Variants in CD300C observed in about 807,000 individuals in gnomAD.
CD300C encodes the protein CMRF35-like molecule 6.
In CD300C, 11 loss-of-function variants were observed where a neutral mutation model predicts 18.4. The ratio of observed to expected loss-of-function variants is 0.60; its 90% CI spans 0.38 to 0.99. The LOEUF is 0.99. Ranked by LOEUF, CD300C falls within the 50% of genes least tolerant of loss-of-function variation. The pLI is 0.01. For missense variants in CD300C, 277 were observed against 287.4 expected (o/e 0.96, Z 0.26); for synonymous variants, 116 against 116.3 (o/e 1.00, Z 0.02).
chr17:74,539,545 C>A (rs1908479542), downstream of CD300C, among the ~76,000 whole-genome samples: 1 of 152,174 alleles, frequency 6.6e-6, no homozygotes, highest in Non-Finnish European at 1.5e-5. Context: ...CACTGCTGAA[C>A]TCCCAATGGC....
In CD300C at chr17:74,546,068, C is replaced by A; in HGVS notation, c.-286G>T. 2.5e-6 allele frequency: 1 copy of A among 403,730 alleles called. No individual in the cohort carries two copies. 25.0% of individuals were successfully genotyped at this position (403,730 alleles called of 1,614,324 possible). A position where few individuals can be genotyped will look rare whatever the true frequency, so the allele number is the denominator to read the frequency against. ...GGTCCCTTGGGTGGCGATGCAGCCA[C>A]TTCCCCACAGCCCACAGCTTCTGGC... On this transcript the variant is annotated 5_prime_UTR_variant, in exon 1 of 4. Coordinates refer to ENST00000330793, the MANE Select transcript of CD300C (RefSeq NM_006678.5).
At chr17:74,536,254 G>C (rs759717291), downstream of CD300C, among the ~76,000 whole-genome samples, 21 of 152,160 alleles carry the variant, frequency 1.4e-4, no homozygotes, top group Non-Finnish European at 2.6e-4. Flanking sequence ...GCCCAGGAAA[G>C]TATATGTGGA....
chr17:74,537,602 C>T (rs1478187044), downstream of CD300C, among the ~76,000 whole-genome samples: 3 of 147,182 alleles, frequency 2.0e-5, no homozygotes, highest in Non-Finnish European at 4.5e-5. Context: ...GCACTCCAGC[C>T]TGGGTGAAAG....
In CD300C at chr17:74,544,760, G is replaced by A. The variant is rs1259832923; in HGVS notation, c.249C>T (p.Ser83=). 2.5e-6 allele frequency: 4 copies of A among 1,614,218 alleles called. No homozygotes were observed. The highest frequency in any genetic ancestry group is 2.2e-5 in the East Asian group (1 of 44,882). ...TGAGGTTTGCAGGACTGTCCCTGAT[G>A]GACACTCGGCCATTCCTTTTCCCTG... ...GSAGKRNGRV[S]IRDSPANLSF... is the part of the protein sequence containing the mutation. The change falls in exon 2 of 4, where the codon TCC becomes TCT. Residue 83 remains serine (S), a synonymous_variant. Coordinates refer to ENST00000330793, the MANE Select transcript of CD300C (RefSeq NM_006678.5).
At chr17:74,536,567 A>G (rs1908384519), downstream of CD300C, among the ~76,000 whole-genome samples, 2 of 151,994 alleles carry the variant, frequency 1.3e-5, no homozygotes, top group South Asian at 4.2e-4. Context: ...CAGACAAACA[A>G]CAGAAAGTAG....
downstream of CD300C, among the ~76,000 whole-genome samples, chr17:74,539,182 C>G (rs11655165): frequency 6.6e-6 from 1 of 151,920 alleles, no homozygotes; most frequent in Non-Finnish European, 1.5e-5. Flanking sequence ...CCCAATAGCA[C>G]CAGAGGCCGA....
the CD300C span, among the ~76,000 whole-genome samples, chr17:74,534,637 G>C: frequency 1.3e-5 from 2 of 152,156 alleles, no homozygotes; most frequent in Non-Finnish European, 2.9e-5. Context: ...AAAGGAAGGA[G>C]ACTAAAATAA....
chr17:74,545,064 C>T, intron 1 of CD300C, 117 bp from the exon 2 acceptor site: 1 of 905,092 alleles, frequency 1.1e-6, no homozygotes, highest in East Asian at 2.6e-5. Context: ...AGGCAGGCAG[C>T]CTTTGTCCAC....
chr17:74,544,242 A>T (rs1309877534), intron 2 of CD300C, among the ~76,000 whole-genome samples: 2 of 151,984 alleles, frequency 1.3e-5, no homozygotes, highest in Non-Finnish European at 2.9e-5. Context: ...TTGTCAATAC[A>T]GGGAGGTAGC....
At chr17:74,537,732 A>G (rs889435027), downstream of CD300C, among the ~76,000 whole-genome samples, 3 of 152,122 alleles carry the variant, frequency 2.0e-5, no homozygotes, top group African/African-American at 7.2e-5. Context: ...TAAACAACAT[A>G]CCCTTTGGAA....
chr17:74,542,853 C>T lies in CD300C; in HGVS notation c.527+8G>A, dbSNP rs772402792. ...AGCGTGGCCCAGTCCTATGCGCAGG[C>T]ACCTTACCCAGGGTGTGGGCTGGGT... On this transcript the variant is annotated splice_region_variant and intron_variant, in intron 3 of 3. Coordinates refer to ENST00000330793, the MANE Select transcript of CD300C (RefSeq NM_006678.5). The T allele has an allele frequency of 1.2e-5, 20 of 1,603,678 alleles. No individual in the cohort carries two copies. Among genetic ancestry groups the T allele is most frequent in the Admixed American group, 1.7e-5 (1 of 59,912 alleles).
Position 74,541,620 on chromosome 17 carries a change from C to T in CD300C, c.644G>A (p.Arg215Lys), listed in dbSNP as rs755539401. ...GTTCTCACCCTTGGGCCAATTCTGC[C>T]TGCTTCTAGAGCTTCTCTGAGGTCT... ...VNRPQRSSRS[R>K]QNWPKGENQ Residue 215 changes from arginine to lysine, a missense_variant, in exon 4 of 4, where the codon AGG becomes AAG. Physicochemically the swap from Arg to Lys is conservative, Grantham distance 26. Coordinates refer to ENST00000330793, the MANE Select transcript of CD300C (RefSeq NM_006678.5). 6.2e-7 allele frequency: 1 copy of T among 1,614,068 alleles called. No individual in the cohort carries two copies. Among genetic ancestry groups the T allele is most frequent in the East Asian group, 2.2e-5 (1 of 44,864 alleles).
rs141713469 is a variant in CD300C, at chr17:74,542,056, G to A, written c.528-320C>T. On this transcript the variant is annotated intron_variant, in intron 3 of 3. Coordinates refer to ENST00000330793, the MANE Select transcript of CD300C (RefSeq NM_006678.5). ...TGGAGGGTTACCCAGCTGGGGTCCC[G>A]GAATTCACAAAGGGTTATTTGTTTG... 5.4e-3 allele frequency among the ~76,000 whole-genome samples: 823 copies of A among 152,214 alleles called. 7 individuals are homozygous for A. The highest frequency in any genetic ancestry group is 0.019 in the African/African-American group (782 of 41,508).
chr17:74,545,514 G>A lies in CD300C; in HGVS notation c.61+208C>T, dbSNP rs139457202. Reference sequence around the variant, plus strand: ...CTCCCACCAGGGCTTCCTGTCTCGGGCACAGAGGAATAGGCCTCCCCCGTG... The same window carrying A: ...CTCCCACCAGGGCTTCCTGTCTCGGACACAGAGGAATAGGCCTCCCCCGTG... On this transcript the variant is annotated intron_variant, in intron 1 of 3. Coordinates refer to ENST00000330793, the MANE Select transcript of CD300C (RefSeq NM_006678.5). Among the ~76,000 whole-genome samples the A allele has an allele frequency of 6.4e-3, 969 of 152,236 alleles. 7 individuals are homozygous for A. The highest frequency in any genetic ancestry group is 0.022 in the African/African-American group (934 of 41,522).
At chr17:74,538,712 G>A (rs556488125), downstream of CD300C, among the ~76,000 whole-genome samples, 13 of 152,324 alleles carry the variant, frequency 8.5e-5, no homozygotes, top group South Asian at 2.5e-3. Flanking sequence ...AGAGGTGCAG[G>A]AATCAATAAC....
chr17:74,544,077 C>T (rs1908658512), intron 2 of CD300C, among the ~76,000 whole-genome samples: 1 of 152,168 alleles, frequency 6.6e-6, no homozygotes, highest in African/African-American at 2.4e-5. Flanking sequence ...GCTGCGGCCT[C>T]AGGACCCTCC....
At chr17:74,539,847 GTGGGTTTCGTC>G (rs916081281), downstream of CD300C, among the ~76,000 whole-genome samples, 2 of 152,300 alleles carry the variant, frequency 1.3e-5, no homozygotes, top group African/African-American at 4.8e-5. Context: ...TGTTTTGTTG[GTGGGTTTCGTC>G]TGGACTGGTA....
chr17:74,542,288 CGA>C (rs1159564801), intron 3 of CD300C, among the ~76,000 whole-genome samples: 1 of 152,118 alleles, frequency 6.6e-6, no homozygotes, highest in Non-Finnish European at 1.5e-5. Flanking sequence ...GCCAGGGCTG[CGA>C]GAGAGGCAGG....
In CD300C at chr17:74,541,370, G is replaced by C. The variant is rs1207746526; in HGVS notation, c.*219C>G. The C allele has an allele frequency of 3.9e-6, 2 of 514,520 alleles. No homozygotes were observed. The highest frequency in any genetic ancestry group is 7.1e-6 in the Non-Finnish European group (2 of 282,128). The allele number at this position is 514,520 out of a possible 1,614,324, so 31.9% of individuals were successfully genotyped here. A position where few individuals can be genotyped will look rare whatever the true frequency, so the allele number is the denominator to read the frequency against. On this transcript the variant is annotated 3_prime_UTR_variant, in exon 4 of 4. Transcript: ENST00000330793. Reference sequence around the variant, plus strand: ...TGACGGCCCGAGGCTTAGCTGGCCGGGGCGTGCACATGAGACGTGGACTCA... The same window carrying C: ...TGACGGCCCGAGGCTTAGCTGGCCGCGGCGTGCACATGAGACGTGGACTCA...
Sources: allele counts gnomAD v4.1 joint callset (sites outside exome capture counted in the v4.1 genomes callset), GRCh38; gene constraint gnomAD v4.1.1; transcripts MANE v1.5; gene names NCBI Gene and HGNC (gene_info 2026-07-23, HGNC 2026-07-21).